The following KCNB2 variants were observed in gnomAD, a reference collection of about 807,000 sequenced individuals.
KCNB2 encodes the protein delayed rectifier potassium channel protein.
KCNB2 carries 15 observed loss-of-function variants against 61.5 expected under a neutral mutation model. The ratio of observed to expected loss-of-function variants is 0.24; its 90% CI spans 0.16 to 0.38. KCNB2 has a LOEUF of 0.38. KCNB2 is among the 10% of genes least tolerant of loss of function. The pLI, the probability that KCNB2 is intolerant of heterozygous loss-of-function variation, is 1.00. For missense variants in KCNB2, 828 were observed against 1,125.2 expected, an observed-to-expected ratio of 0.74 and a Z score of 3.78; for synonymous variants, 457 against 446.0, an observed-to-expected ratio of 1.02 and a Z score of -0.31.
chr8:72,548,580 C>G (rs1806297222), intron 1 of KCNB2, among the ~76,000 whole-genome samples: 1 of 152,174 alleles, frequency 6.6e-6, no homozygotes, highest in African/African-American at 2.4e-5. Flanking sequence ...CTTCCTGGAA[C>G]TTATAGGGCC....
intron 2 of KCNB2, among the ~76,000 whole-genome samples, chr8:72,601,931 CA>C (rs1322631865): frequency 6.6e-6 from 1 of 152,156 alleles, no homozygotes; most frequent in Non-Finnish European, 1.5e-5. Flanking sequence ...CAAATTTACA[CA>C]TGCATTTTAA....
chr8:72,814,648 CT>C (rs1809361914), intron 2 of KCNB2, among the ~76,000 whole-genome samples: 1 of 152,126 alleles, frequency 6.6e-6, no homozygotes, highest in South Asian at 2.1e-4. Context: ...TAGGCAAAGA[CT>C]TCATTATTCA....
intron 2 of KCNB2, among the ~76,000 whole-genome samples, chr8:72,763,753 G>A (rs1467500346): frequency 1.3e-5 from 2 of 152,134 alleles, no homozygotes; most frequent in Admixed American, 6.5e-5. Context: ...CACAGTTTAG[G>A]TGCTCAATAT....
At chr8:72,635,539 G>C (rs1437887984) in intron 2 of KCNB2, among the ~76,000 whole-genome samples, 1 of 152,140 alleles carries the variant, frequency 6.6e-6, no homozygotes, top group East Asian at 1.9e-4. Flanking sequence ...CCCCGTCTCT[G>C]CTGCTGAGAT....
At chr8:72,693,020 T>A (rs1037019484) in intron 2 of KCNB2, among the ~76,000 whole-genome samples, 8 of 152,104 alleles carry the variant, frequency 5.3e-5, no homozygotes, top group Non-Finnish European at 1.2e-4. Context: ...CTTTTGATAA[T>A]GAAAAAATAA....
At position 72,600,943 on chromosome 8, in the gene KCNB2, C is replaced by T. The variant is rs796928288; in HGVS notation, c.579+32630C>T. 3.2e-4 allele frequency among the ~76,000 whole-genome samples: 49 copies of T among 151,396 alleles called. 1 individual carries two copies. Among genetic ancestry groups the T allele is most frequent in the South Asian group, 1.3e-3 (6 of 4,792 alleles). On this transcript the variant is annotated intron_variant, in intron 2 of 2. Coordinates refer to ENST00000523207, the MANE Select transcript of KCNB2 (RefSeq NM_004770.3). ...GTCAGTACAATAAACCCCCATGACA[C>T]GAGTTTGCTTGTATAACAAACCTGC...
At chr8:72,824,250 G>A (rs567096795) in intron 2 of KCNB2, among the ~76,000 whole-genome samples, 167 of 152,170 alleles carry the variant, frequency 1.1e-3, no homozygotes, top group Non-Finnish European at 2.0e-3. Context: ...GCAGGAGTAG[G>A]GTGAGACGCA....
At chr8:72,654,784 T>G (rs1225175235) in intron 2 of KCNB2, among the ~76,000 whole-genome samples, 2 of 151,952 alleles carry the variant, frequency 1.3e-5, no homozygotes, top group Non-Finnish European at 2.9e-5. Context: ...GCAGGAAAAC[T>G]GTGAGAAAAA....
At chr8:72,549,913 T>C (rs970294844) in intron 1 of KCNB2, among the ~76,000 whole-genome samples, 2 of 152,202 alleles carry the variant, frequency 1.3e-5, no homozygotes, top group Admixed American at 6.5e-5. Context: ...TAATTAAATG[T>C]TAGATGTCAC....
intron 2 of KCNB2, among the ~76,000 whole-genome samples, chr8:72,907,249 C>T (rs535915618): frequency 3.9e-5 from 6 of 152,098 alleles, no homozygotes; most frequent in African/African-American, 7.2e-5. Context: ...TCCAGCTACT[C>T]GGGAGTCTGA....
chr8:72,779,992 T>C (rs892486113), intron 2 of KCNB2, among the ~76,000 whole-genome samples: 2 of 152,194 alleles, frequency 1.3e-5, no homozygotes, highest in Non-Finnish European at 2.9e-5. Context: ...GACCTCTCCA[T>C]TTATTCTGGG....
chr8:72,905,974 A>G (rs1159542906), intron 2 of KCNB2, among the ~76,000 whole-genome samples: 1 of 152,180 alleles, frequency 6.6e-6, no homozygotes, highest in Non-Finnish European at 1.5e-5. Flanking sequence ...AACCCATTGG[A>G]TTCACCCTGA....
intron 2 of KCNB2, among the ~76,000 whole-genome samples, chr8:72,830,254 G>C (rs1039717878): frequency 7.0e-6 from 1 of 143,210 alleles, no homozygotes; most frequent in Admixed American, 7.0e-5. Flanking sequence ...AAAAAAAGCA[G>C]GGAGGGAGGG....
intron 2 of KCNB2, among the ~76,000 whole-genome samples, chr8:72,839,069 C>T (rs1184637649): frequency 2.6e-5 from 4 of 151,864 alleles, no homozygotes; most frequent in South Asian, 2.1e-4. Context: ...TAAAAATCAC[C>T]CCATTAGAAT....
chr8:72,802,970 A>G (rs545369715), intron 2 of KCNB2, among the ~76,000 whole-genome samples: 1 of 152,286 alleles, frequency 6.6e-6, no homozygotes, highest in Admixed American at 6.5e-5. Flanking sequence ...TGAAAGATTT[A>G]TTTCTATCTA....
intron 2 of KCNB2, among the ~76,000 whole-genome samples, chr8:72,678,695 A>T (rs1806703066): frequency 6.6e-6 from 1 of 152,200 alleles, no homozygotes; most frequent in South Asian, 2.1e-4. Context: ...AAGATTTATG[A>T]CGTCAGGGAT....
intron 2 of KCNB2, among the ~76,000 whole-genome samples, chr8:72,799,058 G>A (rs1053348299): frequency 5.3e-5 from 8 of 152,064 alleles, no homozygotes; most frequent in African/African-American, 9.7e-5. Flanking sequence ...CTTAGTTATA[G>A]GCTTTAGTTC....
intron 2 of KCNB2, among the ~76,000 whole-genome samples, chr8:72,931,759 C>A (rs1433871457): frequency 4.6e-5 from 7 of 152,152 alleles, no homozygotes; most frequent in African/African-American, 1.7e-4. Context: ...TGCCTGTAAT[C>A]CCACCACTTT....
intron 2 of KCNB2, among the ~76,000 whole-genome samples, chr8:72,768,195 GTGAC>G: frequency 6.6e-6 from 1 of 152,108 alleles, no homozygotes; most frequent in East Asian, 1.9e-4. Flanking sequence ...GTGTGTGTTT[GTGAC>G]TGAGTCTCAC....
Sources: allele counts gnomAD v4.1 joint callset (sites outside exome capture counted in the v4.1 genomes callset), GRCh38; gene constraint gnomAD v4.1.1; transcripts MANE v1.5; gene names NCBI Gene and HGNC (gene_info 2026-07-23, HGNC 2026-07-21).